SEPTIN9: variants seen among roughly 807,000 people sequenced by gnomAD.
SEPTIN9 encodes the protein septin 9, also known as septin-9.
SEPTIN9 carries 13 observed loss-of-function variants against 56.6 expected under a neutral mutation model. The observed-to-expected ratio is 0.23, with a 90% confidence interval of 0.15 to 0.37. The LOEUF (loss-of-function observed/expected upper bound fraction) is 0.37, where lower values mean the gene tolerates loss of function less well. Among genes scored for constraint, SEPTIN9 ranks in the 10% least tolerant of loss-of-function variants. The probability of loss-of-function intolerance (pLI) is 1.00; values close to 1 mark genes in which losing one functional copy is unlikely to be tolerated. For synonymous variants in SEPTIN9, 332 were observed against 334.1 expected (o/e 0.99, Z 0.07); for missense variants, 650 against 823.1 (o/e 0.79, Z 2.57).
At chr17:77,282,753 G>T (rs901451891) in intron 1 of SEPTIN9, among the ~76,000 whole-genome samples, 2 of 152,240 alleles carry the variant, frequency 1.3e-5, no homozygotes, top group African/African-American at 4.8e-5. Flanking sequence ...AGGAGCGTGG[G>T]TGGGTTGGTG....
intron 3 of SEPTIN9, among the ~76,000 whole-genome samples, chr17:77,438,699 C>T (rs2037441519): frequency 6.6e-6 from 1 of 152,202 alleles, no homozygotes; most frequent in Non-Finnish European, 1.5e-5. Flanking sequence ...CCTGTGGACA[C>T]CTTCCCTGTA....
chr17:77,493,418 AAAGGGGTGGGCTG>A lies in SEPTIN9; in HGVS notation c.1573+343_1573+355del, dbSNP rs533369033. 5.3e-5 allele frequency among the ~76,000 whole-genome samples: 8 copies of A among 152,292 alleles called. No homozygotes were observed. The East Asian group carries it at 1.5e-3, about 29-fold the overall frequency. On this transcript the variant is annotated intron_variant, in intron 10 of 11. Transcript: ENST00000427177. ...ATCGCCCAACCTCTCTGGGCCTAGA[AAAGGGGTGGGCTG>A]TAGCTCTGTGAGCCAGATGGACCCT...
chr17:77,289,786 C>T (rs1301671648), intron 1 of SEPTIN9, among the ~76,000 whole-genome samples: 1 of 152,132 alleles, frequency 6.6e-6, no homozygotes, highest in Non-Finnish European at 1.5e-5. Context: ...TTCTCTTTTG[C>T]TTTTTGTTGT....
At position 77,310,038 on chromosome 17, in the gene SEPTIN9, GCAC is replaced by G. The variant is rs1018294269; in HGVS notation, c.76+2844_76+2846del. The stretch of plus-strand genomic sequence containing the variant: ...CTATCGCCCAGGCTGGAGTGCAGTG[GCAC>G]CATCTCGGCTCACTGCAACCTCTGC... On this transcript the variant is annotated intron_variant, in intron 2 of 11. Coordinates refer to ENST00000427177, the MANE Select transcript of SEPTIN9 (RefSeq NM_001113491.2). This position sits in a 1 kb window ranked among gnomAD's most constrained non-coding sequence, Gnocchi z 4.7. Among the ~76,000 whole-genome samples the G allele has an allele frequency of 2.0e-4, 31 of 151,980 alleles. No homozygotes were observed. The highest frequency in any genetic ancestry group is 3.3e-4 in the Admixed American group (5 of 15,248).
At chr17:77,354,577 C>T (rs1321825975) in intron 2 of SEPTIN9, among the ~76,000 whole-genome samples, 1 of 152,182 alleles carries the variant, frequency 6.6e-6, no homozygotes, top group African/African-American at 2.4e-5. Context: ...GGAGCCCCTC[C>T]TGCCTGCATG....
At chr17:77,417,480 C>T (rs2036545285) in intron 3 of SEPTIN9, among the ~76,000 whole-genome samples, 1 of 152,150 alleles carries the variant, frequency 6.6e-6, no homozygotes, top group Non-Finnish European at 1.5e-5. Flanking sequence ...GACTCTGGAA[C>T]AGAGGCAGCA....
chr17:77,452,041 G>T (rs1343796584), intron 3 of SEPTIN9, among the ~76,000 whole-genome samples: 1 of 152,202 alleles, frequency 6.6e-6, no homozygotes, highest in South Asian at 2.1e-4. Flanking sequence ...CGCGGCGCCG[G>T]CACTGGGATC....
In SEPTIN9 at chr17:77,319,947, C is replaced by G; in HGVS notation, c.76+12750C>G. 8.6e-7 allele frequency: 1 copy of G among 1,163,322 alleles called. No individual in the cohort carries two copies. The highest frequency in any genetic ancestry group is 4.1e-5 in the East Asian group (1 of 24,102). The allele number at this position is 1,163,322 out of a possible 1,614,324, so 72.1% of individuals were successfully genotyped here. Reference sequence around the variant, plus strand: ...ACTCGGGACCTCTGCAGCCACCGACCAGACCGGGCGGCCGGGACTCTGGGA... The same window carrying G: ...ACTCGGGACCTCTGCAGCCACCGACGAGACCGGGCGGCCGGGACTCTGGGA... On this transcript the variant is annotated intron_variant, in intron 2 of 11. Coordinates refer to ENST00000427177, the MANE Select transcript of SEPTIN9 (RefSeq NM_001113491.2). The surrounding 1 kb of genome is among the most constrained non-coding windows in gnomAD (Gnocchi z 5.3).
chr17:77,373,913 A>G (rs1160864802), intron 2 of SEPTIN9: 5 of 231,344 alleles, frequency 2.2e-5, no homozygotes. Flanking sequence ...CAGGACGCAC[A>G]GTTTCACTCT....
intron 3 of SEPTIN9, among the ~76,000 whole-genome samples, chr17:77,404,000 C>T (rs1188453694): frequency 6.6e-6 from 1 of 152,144 alleles, no homozygotes; most frequent in Non-Finnish European, 1.5e-5. Flanking sequence ...TATTTGACCA[C>T]TCTAGGAACC....
rs778516654 is a variant in SEPTIN9 at position 77,307,214 on chromosome 17, G to A, written c.76+17G>A. 2.4e-5 allele frequency: 39 copies of A among 1,611,498 alleles called. No homozygotes were observed. Among genetic ancestry groups the A allele is most frequent in the East Asian group, 6.7e-5 (3 of 44,896 alleles). ...GTGGCCCAGGTAGGTGGCTCGCTCC[G>A]CTCTGGCCCCACCCAGCTCATGGGT... On this transcript the variant is annotated intron_variant, in intron 2 of 11. Transcript: ENST00000427177.
At chr17:77,388,091 G>T (rs1568030345) in intron 2 of SEPTIN9, among the ~76,000 whole-genome samples, 1 of 152,098 alleles carries the variant, frequency 6.6e-6, no homozygotes, top group African/African-American at 2.4e-5. Flanking sequence ...GGGCCCCCTC[G>T]CTGTGTCTGG....
rs2035134290 is a variant in SEPTIN9, at chr17:77,381,308, AG to A, written c.77-20748del. 2.0e-5 allele frequency among the ~76,000 whole-genome samples: 3 copies of A among 152,184 alleles called. No homozygotes were observed. The South Asian group carries it at 6.2e-4, about 32-fold the overall frequency. ...ACCTAGCCTCTCCCCTCCCCCAGGC[AG>A]GGCCCTGAAAGATGGAGATGGCTCT... On this transcript the variant is annotated intron_variant, in intron 2 of 11. Coordinates refer to ENST00000427177, the MANE Select transcript of SEPTIN9 (RefSeq NM_001113491.2).
chr17:77,307,103 G>A, intron 1 of SEPTIN9, 38 bp from the exon 2 acceptor site: 1 of 1,598,088 alleles, frequency 6.3e-7, no homozygotes, highest in Non-Finnish European at 8.6e-7. Flanking sequence ...GAGCGCCAGT[G>A]GCCTTGTGTG....
intron 2 of SEPTIN9, among the ~76,000 whole-genome samples, chr17:77,390,364 AAAG>A (rs2035492695): frequency 6.9e-6 from 1 of 145,662 alleles, no homozygotes; most frequent in South Asian, 2.2e-4. Context: ...AAAAAAAAAA[AAAG>A]GAGTAGAGAA....
intron 3 of SEPTIN9, among the ~76,000 whole-genome samples, chr17:77,464,257 T>C (rs981186960): frequency 3.3e-5 from 5 of 152,122 alleles, no homozygotes; most frequent in African/African-American, 9.7e-5. Context: ...TTTGTATTTT[T>C]AGTAGAGACG....
At chr17:77,373,081 C>A (rs1309725071) in intron 2 of SEPTIN9, 1 of 584,426 alleles carries the variant, frequency 1.7e-6, no homozygotes, top group Non-Finnish European at 2.2e-6. Context: ...GGGGGAGGGG[C>A]TGAGGCCGCG....
At chr17:77,462,517 C>T (rs762298971) in intron 3 of SEPTIN9, among the ~76,000 whole-genome samples, 2 of 152,226 alleles carry the variant, frequency 1.3e-5, no homozygotes, top group South Asian at 2.1e-4. Context: ...CTCCTGGGCT[C>T]GAGCAATCCT....
chr17:77,334,497 T>G (rs1490727389), intron 2 of SEPTIN9, among the ~76,000 whole-genome samples: 1 of 151,984 alleles, frequency 6.6e-6, no homozygotes, highest in Non-Finnish European at 1.5e-5. Flanking sequence ...ATCAGATATA[T>G]GTATCATAAG....
Sources: gnomAD v4.1 joint callset for allele counts (sites outside exome capture counted in the v4.1 genomes callset) on GRCh38, gnomAD v4.1.1 for gene constraint, Gnocchi (gnomAD v3.1) non-coding constraint, MANE v1.5 for transcripts, NCBI Gene and HGNC (gene_info 2026-07-23, HGNC 2026-07-21) for gene names.